The following ARNT2 variants were observed in gnomAD, a reference collection of about 807,000 sequenced individuals.
ARNT2 encodes aryl hydrocarbon receptor nuclear translocator 2, also known as ARNT protein 2.
Under a neutral mutation model 91.7 loss-of-function variants are expected in ARNT2, and 36 were observed. The observed-to-expected ratio is 0.39, with a 90% CI of 0.30 to 0.52. ARNT2 has a LOEUF of 0.52. ARNT2 is among the 20% of genes least tolerant of loss of function. ARNT2 has a pLI of 0.72. For missense variants in ARNT2, 775 were observed against 939.3 expected (o/e 0.83, Z 2.29); for synonymous variants, 365 against 347.1 (o/e 1.05, Z -0.57).
intron 1 of ARNT2, among the ~76,000 whole-genome samples, chr15:80,424,919 C>G (rs761378937): frequency 2.6e-5 from 4 of 152,310 alleles, no homozygotes; most frequent in South Asian, 4.1e-4. Flanking sequence ...TTTTAAGAAT[C>G]TGACGTGAAT....
chr15:80,573,321 A>G lies in ARNT2; in HGVS notation c.1317-827A>G, dbSNP rs569581742. On this transcript the variant is annotated intron_variant, in intron 12 of 18. Transcript: ENST00000303329. ...TTATAGGTACATACAGTACATGTAT[A>G]TTTGTCCTTTTATTTATTTATTTAT... Among the ~76,000 whole-genome samples, 8 of 152,212 alleles carry G rather than the reference A, an allele frequency of 5.3e-5. No individual in the cohort carries two copies. The South Asian group carries it at 1.7e-3, about 32-fold the overall frequency.
intron 1 of ARNT2, among the ~76,000 whole-genome samples, chr15:80,447,403 A>G (rs1227292705): frequency 6.6e-6 from 1 of 152,222 alleles, no homozygotes; most frequent in African/African-American, 2.4e-5. Context: ...TTTCCTCCCT[A>G]TACAGTGCAG....
In ARNT2 at chr15:80,470,501, C is replaced by T. The variant is rs370592501; in HGVS notation, c.408+70C>T. 9.9e-5 allele frequency: 150 copies of T among 1,517,318 alleles called. 4 individuals are homozygous for T. Among genetic ancestry groups the T allele is most frequent in the African/African-American group, 1.4e-4 (10 of 72,618 alleles). The allele number at this position is 1,517,318 out of a possible 1,614,324, so 94.0% of individuals were successfully genotyped here. On this transcript the variant is annotated intron_variant, in intron 4 of 18. Transcript: ENST00000303329. ...AGCGTCACCAAGACGAAATAAACTA[C>T]GTGGGGAACCAGGGCTCAAGGTTGA...
At chr15:80,502,526 G>A (rs557728155) in intron 5 of ARNT2, among the ~76,000 whole-genome samples, 2 of 152,328 alleles carry the variant, frequency 1.3e-5, no homozygotes, top group South Asian at 4.1e-4. Context: ...GGTGGACGAG[G>A]TGGATGACAT....
chr15:80,480,032 G>A (rs1193759533), intron 5 of ARNT2, among the ~76,000 whole-genome samples: 1 of 152,158 alleles, frequency 6.6e-6, no homozygotes, highest in African/African-American at 2.4e-5. Flanking sequence ...GGGGAAGGAC[G>A]AGTGTTCTGC....
chr15:80,469,217 A>G (rs1896699876), intron 3 of ARNT2, among the ~76,000 whole-genome samples: 1 of 152,168 alleles, frequency 6.6e-6, no homozygotes, highest in Non-Finnish European at 1.5e-5. Flanking sequence ...TGGGTTGGAA[A>G]CATTCTACCA....
At chr15:80,416,319 T>A (rs536091370) in intron 1 of ARNT2, among the ~76,000 whole-genome samples, 28 of 152,256 alleles carry the variant, frequency 1.8e-4, no homozygotes, top group Middle Eastern at 3.4e-3. Flanking sequence ...TCTCTCTCTC[T>A]CTCACTGTGC....
At chr15:80,536,117 G>T (rs186306053) in intron 8 of ARNT2, among the ~76,000 whole-genome samples, 7 of 152,274 alleles carry the variant, frequency 4.6e-5, no homozygotes, top group Middle Eastern at 3.4e-3. Flanking sequence ...CCCGAGGTTC[G>T]TTGCCTCATG....
intron 6 of ARNT2, among the ~76,000 whole-genome samples, chr15:80,511,237 G>A (rs1021926702): frequency 6.6e-6 from 1 of 152,130 alleles, no homozygotes; most frequent in African/African-American, 2.4e-5. Context: ...GGATGTGGAT[G>A]CACCTGGAAG....
chr15:80,422,276 A>G (rs1895871277), intron 1 of ARNT2, among the ~76,000 whole-genome samples: 1 of 152,206 alleles, frequency 6.6e-6, no homozygotes, highest in South Asian at 2.1e-4. Flanking sequence ...CCTTAACTAG[A>G]TGTAGGGAAA....
chr15:80,502,291 T>C (rs924360309), intron 5 of ARNT2, among the ~76,000 whole-genome samples: 14 of 152,216 alleles, frequency 9.2e-5, no homozygotes, highest in African/African-American at 3.1e-4. Context: ...GCAGTGGGCA[T>C]GGCTGGCTGC....
chr15:80,462,507 T>C (rs537025805), intron 3 of ARNT2, among the ~76,000 whole-genome samples: 1 of 152,372 alleles, frequency 6.6e-6, no homozygotes, highest in African/African-American at 2.4e-5. Flanking sequence ...TTCTTGCCAC[T>C]GTGTATTATC....
chr15:80,476,455 A>G (rs192707905), intron 5 of ARNT2, among the ~76,000 whole-genome samples: 84 of 152,360 alleles, frequency 5.5e-4, no homozygotes, highest in African/African-American at 2.0e-3. Context: ...ACAAATTTGC[A>G]TTGTTGAAAC....
chr15:80,568,968 G>C lies in ARNT2; in HGVS notation c.1317-5180G>C, dbSNP rs55720933. On this transcript the variant is annotated intron_variant, in intron 12 of 18. Coordinates refer to ENST00000303329, the MANE Select transcript of ARNT2 (RefSeq NM_014862.4). ...CACACGCGCGTGCACACACATGCTT[G>C]ACTGGACCGTGCTGCTCCCTGCCCT... Among the ~76,000 whole-genome samples, 688 of 152,314 alleles carry C rather than the reference G, an allele frequency of 4.5e-3. 4 individuals carry two copies. Among genetic ancestry groups the C allele is most frequent in the African/African-American group, 0.015 (615 of 41,570 alleles).
intron 2 of ARNT2, among the ~76,000 whole-genome samples, chr15:80,453,026 C>T (rs1027183612): frequency 6.6e-6 from 1 of 152,208 alleles, no homozygotes; most frequent in Admixed American, 6.5e-5. Context: ...CACACCTTGG[C>T]CTCCCAAAGT....
Position 80,555,062 on chromosome 15 carries a change from T to G in ARNT2, c.1090-3T>G, listed in dbSNP as rs1898154509. 1.2e-6 allele frequency: 2 copies of G among 1,613,704 alleles called. No homozygotes were observed. Among genetic ancestry groups the G allele is most frequent in the African/African-American group, 1.3e-5 (1 of 74,934 alleles). Reference sequence around the variant, plus strand: ...ATTATTAAAGCTTGTCTCTTTTATTTAGGATCTTCTGGGAAAGGACATTTT... The same window carrying G: ...ATTATTAAAGCTTGTCTCTTTTATTGAGGATCTTCTGGGAAAGGACATTTT... On this transcript the variant is annotated splice_polypyrimidine_tract_variant and splice_region_variant and intron_variant, in intron 10 of 18. Transcript: ENST00000303329.
At chr15:80,567,476 GAGGGACAGGTAGAATGCA>G (rs1567003766) in intron 12 of ARNT2, among the ~76,000 whole-genome samples, 1 of 152,214 alleles carries the variant, frequency 6.6e-6, no homozygotes, top group African/African-American at 2.4e-5. Flanking sequence ...GGGCAGACGG[GAGGGACAGGTAGAATGCA>G]ATGGGGGCAG....
chr15:80,479,848 G>C (rs77194747), intron 5 of ARNT2, among the ~76,000 whole-genome samples: 4,692 of 152,282 alleles, frequency 0.031, 109 homozygotes, highest in Middle Eastern at 0.078. Context: ...TCTGAGCTAA[G>C]ATGTGAGGTC....
chr15:80,433,478 G>T (rs1157638244), intron 1 of ARNT2, among the ~76,000 whole-genome samples: 5 of 151,748 alleles, frequency 3.3e-5, no homozygotes, highest in African/African-American at 1.2e-4. Context: ...TAGAGACGAG[G>T]TTTCACCATG....
Sources: allele counts gnomAD v4.1 joint callset (sites outside exome capture counted in the v4.1 genomes callset), GRCh38; gene constraint gnomAD v4.1.1; transcripts MANE v1.5; gene names NCBI Gene and HGNC (gene_info 2026-07-23, HGNC 2026-07-21).